The following OVCH1 variants were observed in gnomAD, a reference collection of about 807,000 sequenced individuals.
The protein encoded by OVCH1 is ovochymase-1.
OVCH1 carries 139 observed loss-of-function variants against 138.4 expected under a neutral mutation model. That is an observed-to-expected ratio of 1.00 (90% confidence interval 0.87 to 1.16). The LOEUF (loss-of-function observed/expected upper bound fraction) is 1.16. Ranked by LOEUF, OVCH1 falls within the 50% of genes most tolerant of loss-of-function variation. The pLI is 0.00. For synonymous variants in OVCH1, 453 were observed against 467.8 expected (o/e 0.97, Z 0.41); for missense variants, 1,367 against 1,357.9 (o/e 1.01, Z -0.11).
intron 8 of OVCH1, among the ~76,000 whole-genome samples, chr12:29,485,317 TAAAAAAAAAAA>T (rs869216306): frequency 5.6e-5 from 5 of 89,854 alleles, no homozygotes; most frequent in South Asian, 3.6e-4. Flanking sequence ...ACCCAGTCTT[TAAAAAAAAAAA>T]AAAAAAAAAA....
chr12:29,410,211 G>A (rs1258850710), downstream of OVCH1, among the ~76,000 whole-genome samples: 4 of 142,132 alleles, frequency 2.8e-5, no homozygotes, highest in African/African-American at 9.8e-5. Context: ...GTCTCTGCGT[G>A]TGAGATGGGT....
intron 18 of OVCH1, among the ~76,000 whole-genome samples, chr12:29,463,481 G>A (rs953873080): frequency 6.6e-6 from 1 of 152,114 alleles, no homozygotes; most frequent in African/African-American, 2.4e-5. Flanking sequence ...GAAAAATAGA[G>A]GGAAATTATG....
chr12:29,408,005 C>T (rs1940905682), downstream of OVCH1, among the ~76,000 whole-genome samples: 1 of 140,904 alleles, frequency 7.1e-6, no homozygotes, highest in Non-Finnish European at 1.6e-5. Context: ...TGTAGTTCTC[C>T]TTGAAGAGGT....
At chr12:29,407,646 G>T (rs559941869), downstream of OVCH1, among the ~76,000 whole-genome samples, 1 of 152,070 alleles carries the variant, frequency 6.6e-6, no homozygotes, top group African/African-American at 2.4e-5. Flanking sequence ...TGAGGGCTCT[G>T]TTCTGTTCCA....
chr12:29,469,808 G>A (rs931662195), intron 16 of OVCH1, among the ~76,000 whole-genome samples: 2 of 152,066 alleles, frequency 1.3e-5, no homozygotes, highest in Non-Finnish European at 2.9e-5. Flanking sequence ...CCACAGGTAA[G>A]ACTAAAGTGA....
chr12:29,427,719 T>A (rs1941201849), intron 27 of OVCH1: 1 of 1,515,562 alleles, frequency 6.6e-7, no homozygotes, highest in African/African-American at 1.4e-5. Flanking sequence ...TTGAATGGGG[T>A]GATAGCCTAG....
intron 19 of OVCH1, among the ~76,000 whole-genome samples, chr12:29,460,721 G>C (rs1038435949): frequency 6.6e-6 from 1 of 151,970 alleles, no homozygotes; most frequent in Admixed American, 6.6e-5. Context: ...CACTATGGCA[G>C]ATGGCTTAAT....
chr12:29,438,120 C>T (rs1308643331), intron 26 of OVCH1, among the ~76,000 whole-genome samples: 1 of 152,172 alleles, frequency 6.6e-6, no homozygotes, highest in Non-Finnish European at 1.5e-5. Context: ...GAAAGTCCTT[C>T]TCCATATGGT....
At chr12:29,404,809 T>C in the OVCH1 span, among the ~76,000 whole-genome samples, 1 of 151,328 alleles carries the variant, frequency 6.6e-6, no homozygotes, top group Non-Finnish European at 1.5e-5. Context: ...AACCACGAGG[T>C]CAGAAGTTCG....
chr12:29,438,885 A>G (rs895455450), intron 26 of OVCH1, among the ~76,000 whole-genome samples: 2 of 152,166 alleles, frequency 1.3e-5, no homozygotes, highest in South Asian at 2.1e-4. Context: ...GGTTCTGTCA[A>G]ATGTTCATCA....
At chr12:29,470,837 A>G (rs956044236) in intron 16 of OVCH1, among the ~76,000 whole-genome samples, 7 of 152,182 alleles carry the variant, frequency 4.6e-5, no homozygotes, top group Non-Finnish European at 1.0e-4. Flanking sequence ...TCCCACCAAC[A>G]GTGTAAAAGC....
At chr12:29,497,686 T>C (rs1435349826) in exon 1 of OVCH1, 3 of 1,613,918 alleles carry the variant, frequency 1.9e-6, no homozygotes, top group South Asian at 1.1e-5. Context: ...AGCAGGCCCA[T>C]AGCCTCCACG....
At chr12:29,437,686 T>C (rs1185353122) in intron 26 of OVCH1, among the ~76,000 whole-genome samples, 1 of 152,202 alleles carries the variant, frequency 6.6e-6, no homozygotes, top group Non-Finnish European at 1.5e-5. Flanking sequence ...ATCAATTTCA[T>C]TGTGACAAGA....
intron 25 of OVCH1, among the ~76,000 whole-genome samples, chr12:29,439,908 T>A (rs1474118477): frequency 6.6e-6 from 1 of 152,204 alleles, no homozygotes; most frequent in Non-Finnish European, 1.5e-5. Flanking sequence ...CAATGAAAGA[T>A]GTATAGGGCA....
chr12:29,427,525 A>G (rs1941199134), downstream of OVCH1: 1 of 1,548,652 alleles, frequency 6.5e-7, no homozygotes, highest in Non-Finnish European at 8.7e-7. Context: ...GTGCTTGGTT[A>G]GAGGCCTCTT....
chr12:29,409,377 C>T (rs1406162782), downstream of OVCH1, among the ~76,000 whole-genome samples: 1 of 152,004 alleles, frequency 6.6e-6, no homozygotes, highest in Non-Finnish European at 1.5e-5. Flanking sequence ...TCTTACTTTT[C>T]TAGTTCTTTT....
Position 29,476,303 on chromosome 12 carries a change from T to G in OVCH1, c.1378-4A>C. 6.2e-7 allele frequency: 1 copy of G among 1,605,894 alleles called. No homozygotes were observed. The highest frequency in any genetic ancestry group is 8.5e-7 in the Non-Finnish European group (1 of 1,172,670). On this transcript the variant is annotated splice_polypyrimidine_tract_variant and splice_region_variant and intron_variant, in intron 12 of 27. Transcript: ENST00000318184. ...CAGCAAAGTCCTCAAATGTCAACTG[T>G]GCAAATGGAAACATAACCAGGGAAA...
In OVCH1 at chr12:29,486,361, T is replaced by G; in HGVS notation, c.893-13A>C. 4 of 1,581,306 alleles carry G rather than the reference T, an allele frequency of 2.5e-6. No homozygotes were observed. Among genetic ancestry groups the G allele is most frequent in the Middle Eastern group, 1.7e-4 (1 of 6,000 alleles). ...CCCCGATCCAAACCTGTAAAAGGTA[T>G]AAGGAGTTAGTGCCTTTCCCAATAA... On this transcript the variant is annotated splice_polypyrimidine_tract_variant and intron_variant, in intron 7 of 27. Coordinates refer to ENST00000318184, the Ensembl canonical transcript of OVCH1.
At chr12:29,411,839 C>CATGCTGGGAGAACCACTG (rs1565559232), downstream of OVCH1, among the ~76,000 whole-genome samples, 18 of 150,932 alleles carry the variant, frequency 1.2e-4, no homozygotes, top group Admixed American at 2.0e-4. Flanking sequence ...TTCAAAGCTG[C>CATGCTGGGAGAACCACTG]CAGACAGGGA....
Sources: gnomAD v4.1 joint callset for allele counts (sites outside exome capture counted in the v4.1 genomes callset) on GRCh38, gnomAD v4.1.1 for gene constraint, MANE v1.5 for transcripts, NCBI Gene and HGNC (gene_info 2026-07-23, HGNC 2026-07-21) for gene names.